The following ZGRF1 variants were observed in gnomAD, a reference collection of about 807,000 sequenced individuals.
The protein encoded by ZGRF1 is 5'-3' DNA helicase ZGRF1.
ZGRF1 carries 196 observed loss-of-function variants against 203.5 expected under a neutral mutation model. The ratio of observed to expected loss-of-function variants is 0.96; its 90% CI spans 0.86 to 1.08. The LOEUF (loss-of-function observed/expected upper bound fraction) is 1.08. ZGRF1 is among the 50% of genes least tolerant of loss of function. The pLI is 0.00. For synonymous variants in ZGRF1, 809 were observed against 841.3 expected (o/e 0.96, Z 0.66); for missense variants, 2,326 against 2,416.3 (o/e 0.96, Z 0.78).
chr4:112,550,578 C>T (rs13104528), intron 22 of ZGRF1, among the ~76,000 whole-genome samples: 59,457 of 151,906 alleles, frequency 0.39, 11,869 homozygotes, highest in South Asian at 0.49. Context: ...GTAGGCCGGG[C>T]GCGGTGGCTC....
At chr4:112,620,259 C>G in intron 4 of ZGRF1, 69 bp from the exon 5 acceptor site, 1 of 1,263,398 alleles carries the variant, frequency 7.9e-7, no homozygotes, top group Non-Finnish European at 1.1e-6. Context: ...AGGATGCTCA[C>G]TAGCACTAAG....
chr4:112,594,274 G>T (rs1748631288), intron 10 of ZGRF1, among the ~76,000 whole-genome samples: 1 of 151,982 alleles, frequency 6.6e-6, no homozygotes, highest in Non-Finnish European at 1.5e-5. Context: ...AGGTACTTTT[G>T]AATTCTTATT....
chr4:112,600,077 C>T (rs1749698493), intron 10 of ZGRF1, among the ~76,000 whole-genome samples: 1 of 152,076 alleles, frequency 6.6e-6, no homozygotes, highest in Admixed American at 6.6e-5. Context: ...CTCACTCTGT[C>T]ACCCAGTGTG....
At chr4:112,575,455 G>A (rs893078670) in intron 16 of ZGRF1, among the ~76,000 whole-genome samples, 2 of 152,194 alleles carry the variant, frequency 1.3e-5, no homozygotes, top group Non-Finnish European at 2.9e-5. Flanking sequence ...AGTGCACCGA[G>A]CATGAGCCGA....
Position 112,579,075 on chromosome 4 carries a change from G to T in ZGRF1, c.4438+2588C>A, listed in dbSNP as rs1017360363. 8.1e-5 allele frequency among the ~76,000 whole-genome samples: 10 copies of T among 122,846 alleles called. 2 individuals carry two copies. Among genetic ancestry groups the T allele is most frequent in the Admixed American group, 2.8e-4 (3 of 10,806 alleles). The allele number at this position is 122,846 out of a possible 152,430, so 80.6% of individuals were successfully genotyped here. ...GCACATCATAAAGCTTATCCACCAT[G>T]ATCAAGTGGGCTTCATCCCTGGGAT... On this transcript the variant is annotated intron_variant, in intron 16 of 27. Coordinates refer to ENST00000505019, the MANE Select transcript of ZGRF1 (RefSeq NM_018392.5).
At chr4:112,541,367 T>C in intron 24 of ZGRF1, 99 bp from the exon 25 acceptor site, 1 of 526,956 alleles carries the variant, frequency 1.9e-6, no homozygotes, top group Non-Finnish European at 3.2e-6. Flanking sequence ...TATATTATGG[T>C]CTTAGGAGAT....
chr4:112,585,642 A>G lies in ZGRF1; in HGVS notation c.4000T>C (p.Leu1334=), dbSNP rs1747044524. The G allele has an allele frequency of 1.9e-6, 3 of 1,610,986 alleles. No individual in the cohort carries two copies. Among genetic ancestry groups the G allele is most frequent in the Non-Finnish European group, 2.5e-6 (3 of 1,178,534 alleles). The change falls in exon 14 of 28, where the codon TTG becomes CTG. Residue 1334 remains leucine (L), a synonymous_variant. Transcript: ENST00000505019. The stretch of plus-strand genomic sequence containing the variant: ...GCGTTTTTCAGTTTCTCTCCCTTCA[A>G]TGATGTATAAAATGATATGTCAACT... ...SKVDISFYTS[L]KGEKLKNAEN... is the part of the protein sequence containing the mutation.
At chr4:112,544,068 A>G (rs1738256145) in intron 24 of ZGRF1, among the ~76,000 whole-genome samples, 2 of 152,130 alleles carry the variant, frequency 1.3e-5, no homozygotes, top group African/African-American at 4.8e-5. Context: ...GAGGTTGGAT[A>G]CTGACTTGTC....
chr4:112,625,026 C>CT (rs2047185729), intron 3 of ZGRF1, among the ~76,000 whole-genome samples: 1 of 152,086 alleles, frequency 6.6e-6, no homozygotes, highest in Admixed American at 6.5e-5. Flanking sequence ...TGGTGTTAAA[C>CT]CCAGATACTC....
Position 112,578,023 on chromosome 4 carries a change from G to C in ZGRF1, c.4438+3640C>G, listed in dbSNP as rs1184185560. On this transcript the variant is annotated intron_variant, in intron 16 of 27. Transcript: ENST00000505019. The stretch of plus-strand genomic sequence containing the variant: ...CACCTATTCCAAAATTGACCATATA[G>C]TTGGAAGTAAAACACTCCTCAGCAA... Among the ~76,000 whole-genome samples, 12 of 122,374 alleles carry C rather than the reference G, an allele frequency of 9.8e-5. 3 individuals are homozygous for C. Among genetic ancestry groups the C allele is most frequent in the Admixed American group, 5.6e-4 (6 of 10,670 alleles). 80.3% of individuals were successfully genotyped at this position (122,374 alleles called of 152,430 possible). A position where few individuals can be genotyped will look rare whatever the true frequency, so the allele number is the denominator to read the frequency against.
intron 7 of ZGRF1, among the ~76,000 whole-genome samples, chr4:112,611,273 C>T (rs1405929728): frequency 1.3e-5 from 2 of 151,964 alleles, no homozygotes; most frequent in Admixed American, 6.6e-5. Context: ...TGTGGTGGCA[C>T]GCACCTGTAA....
chr4:112,617,768 G>C lies in ZGRF1; in HGVS notation c.2274C>G (p.Thr758=), dbSNP rs370625257. 3.7e-6 allele frequency: 6 copies of C among 1,613,922 alleles called. No individual in the cohort carries two copies. The highest frequency in any genetic ancestry group is 5.1e-6 in the Non-Finnish European group (6 of 1,179,908). Reference sequence around the variant, plus strand: ...GGTAAAACAAAGAATTGGAAATGTGGGTATTTGATTTATCAAGTGCAATAC... The same window carrying C: ...GGTAAAACAAAGAATTGGAAATGTGCGTATTTGATTTATCAAGTGCAATAC... ...YECIALDKSN[T]HISNSLFYPL... Residue 758 remains threonine, a synonymous_variant, in exon 6 of 28, where the codon ACC becomes ACG. Transcript: ENST00000505019.
At chr4:112,581,612 A>G (rs539765850) in intron 16 of ZGRF1, 51 bp downstream of exon 16, 2 of 1,363,976 alleles carry the variant, frequency 1.5e-6, no homozygotes, top group Non-Finnish European at 2.0e-6. Context: ...GCTGTATGTA[A>G]TGGAGATAAT....
Position 112,625,618 on chromosome 4 carries a change from C to T in ZGRF1, c.103-1742G>A, listed in dbSNP as rs575212648. Among the ~76,000 whole-genome samples the T allele has an allele frequency of 1.1e-3, 162 of 146,940 alleles. 1 individual carries two copies. The highest frequency in any genetic ancestry group is 3.9e-3 in the African/African-American group (157 of 39,818). ...AAAAAAAAAGAAAAGAAAATCATGC[C>T]AGGCGTGGTGGCTCACGTCTGTAAT... On this transcript the variant is annotated intron_variant, in intron 3 of 27. Transcript: ENST00000505019.
chr4:112,549,552 A>G (rs1205797861), intron 22 of ZGRF1, among the ~76,000 whole-genome samples: 1 of 152,208 alleles, frequency 6.6e-6, no homozygotes, highest in Non-Finnish European at 1.5e-5. Context: ...GAGCTGAAAA[A>G]TTCCCAGCCC....
At chr4:112,563,510 A>G (rs1371696137) in intron 16 of ZGRF1, among the ~76,000 whole-genome samples, 1 of 152,202 alleles carries the variant, frequency 6.6e-6, no homozygotes, top group African/African-American at 2.4e-5. Context: ...TACCACTTGA[A>G]TCACACAGAA....
At position 112,585,615 on chromosome 4, in the gene ZGRF1, C is replaced by G. The variant is rs145759688; in HGVS notation, c.4027G>C (p.Glu1343Gln). ...SLKGEKLKNA[E>Q]NNVPSCHHSQ... ...TGATGGCAGGATGGTACATTATTTT[C>G]TGCGTTTTTCAGTTTCTCTCCCTTC... is the stretch of plus-strand genomic sequence containing the variant. The change falls in exon 14 of 28, where the codon GAA becomes CAA. Residue 1343 changes from glutamate to glutamine, a missense_variant. Coordinates refer to ENST00000505019, the MANE Select transcript of ZGRF1 (RefSeq NM_018392.5). 2 of 1,611,424 alleles carry G rather than the reference C, an allele frequency of 1.2e-6. No individual in the cohort carries two copies. The highest frequency in any genetic ancestry group is 2.7e-5 in the African/African-American group (2 of 74,586).
chr4:112,564,939 C>G (rs963909154), intron 16 of ZGRF1: 1 of 769,780 alleles, frequency 1.3e-6, no homozygotes, highest in Admixed American at 1.9e-5. Flanking sequence ...TGTCGCTGAC[C>G]AAGCTCCAGC....
In ZGRF1 at chr4:112,620,204, T is replaced by C. The variant is rs1290445408; in HGVS notation, c.163-14A>G. ...TCCAGGTTTCACCTGAAAGAATAAA[T>C]GTCAAAATCACATACATCTAATTAT... is the stretch of plus-strand genomic sequence containing the variant. On this transcript the variant is annotated splice_polypyrimidine_tract_variant and intron_variant, in intron 4 of 27. Coordinates refer to ENST00000505019, the MANE Select transcript of ZGRF1 (RefSeq NM_018392.5). 1.3e-6 allele frequency: 2 copies of C among 1,591,020 alleles called. No individual in the cohort carries two copies. The highest frequency in any genetic ancestry group is 1.7e-6 in the Non-Finnish European group (2 of 1,169,206).
Sources: allele counts gnomAD v4.1 joint callset (sites outside exome capture counted in the v4.1 genomes callset), GRCh38; gene constraint gnomAD v4.1.1; transcripts MANE v1.5; gene names NCBI Gene and HGNC (gene_info 2026-07-23, HGNC 2026-07-21).